The following AGTPBP1 variants were observed in gnomAD, a reference collection of about 807,000 sequenced individuals.
AGTPBP1 encodes the protein cytosolic carboxypeptidase 1.
A neutral mutation model predicts 143.9 loss-of-function variants in AGTPBP1; 70 were observed. That is an observed-to-expected ratio of 0.49 (90% CI 0.40 to 0.59). AGTPBP1 has a LOEUF of 0.59. Among genes scored for constraint, AGTPBP1 ranks in the 20% least tolerant of loss-of-function variants. The probability of loss-of-function intolerance (pLI) is 0.00; values close to 1 mark genes in which losing one functional copy is unlikely to be tolerated. For synonymous variants in AGTPBP1, 463 were observed against 500.2 expected (o/e 0.93, Z 0.99); for missense variants, 1,229 against 1,464.5 (o/e 0.84, Z 2.62).
the AGTPBP1 span, among the ~76,000 whole-genome samples, chr9:85,756,548 G>GATAT: frequency 1.3e-5 from 2 of 150,636 alleles, no homozygotes; most frequent in Non-Finnish European, 2.9e-5. Flanking sequence ...TAGATGGATA[G>GATAT]ATAGATAGAT....
At chr9:85,788,741 T>C in the AGTPBP1 span, among the ~76,000 whole-genome samples, 1 of 150,048 alleles carries the variant, frequency 6.7e-6, no homozygotes, top group East Asian at 1.9e-4. Flanking sequence ...TTTAATATGA[T>C]TTTATATCAT....
chr9:85,795,133 C>T, the AGTPBP1 span, among the ~76,000 whole-genome samples: 1 of 152,026 alleles, frequency 6.6e-6, no homozygotes, highest in Non-Finnish European at 1.5e-5. Flanking sequence ...TTAAGACTGT[C>T]TCTTTAGGAA....
At chr9:85,682,395 A>G (rs1246698987) in intron 3 of AGTPBP1, among the ~76,000 whole-genome samples, 2 of 147,126 alleles carry the variant, frequency 1.4e-5, no homozygotes, top group Non-Finnish European at 3.1e-5. Flanking sequence ...TCATGGATCT[A>G]AAGATTTAAG....
Position 85,619,110 on chromosome 9 carries a change from C to G in AGTPBP1, c.2208G>C (p.Leu736=). 4.3e-6 allele frequency: 7 copies of G among 1,613,164 alleles called. No homozygotes were observed. Among genetic ancestry groups the G allele is most frequent in the Non-Finnish European group, 5.9e-6 (7 of 1,179,558 alleles). ...AATGATTGCTGTTTATGTCTGAGTT[C>G]AGAATAAGATCATATTCATTTCTGA... The part of the protein sequence containing the change: ...QIRKNEYDLI[L]NSDINSNHYH... The change falls in exon 17 of 26, where the codon CTG becomes CTC. Residue 736 remains leucine, a synonymous_variant. Transcript: ENST00000357081.
chr9:85,556,248 T>C (rs1826334394), intron 25 of AGTPBP1, among the ~76,000 whole-genome samples: 1 of 152,134 alleles, frequency 6.6e-6, no homozygotes, highest in African/African-American at 2.4e-5. Context: ...GATCCTAGCA[T>C]TGTCTGTGAA....
chr9:85,649,404 G>C (rs1409999950), intron 11 of AGTPBP1, among the ~76,000 whole-genome samples: 1 of 152,068 alleles, frequency 6.6e-6, no homozygotes, highest in African/African-American at 2.4e-5. Context: ...GTAGAGGAAG[G>C]CTATTTAATT....
chr9:85,737,879 C>T (rs543278435), intron 1 of AGTPBP1, among the ~76,000 whole-genome samples: 44 of 152,280 alleles, frequency 2.9e-4, no homozygotes, highest in Middle Eastern at 6.8e-3. Flanking sequence ...GCCTCCCCAC[C>T]CTGTTTAGCC....
chr9:85,600,695 T>C (rs974594066), intron 17 of AGTPBP1, among the ~76,000 whole-genome samples: 3 of 152,112 alleles, frequency 2.0e-5, no homozygotes, highest in Admixed American at 2.0e-4. Context: ...CACAGGGAGC[T>C]GCTTCGAGAC....
At chr9:85,577,951 C>A (rs1296126883) in intron 24 of AGTPBP1, among the ~76,000 whole-genome samples, 7 of 152,082 alleles carry the variant, frequency 4.6e-5, no homozygotes, top group Non-Finnish European at 8.8e-5. Flanking sequence ...AAAGTTATTA[C>A]CATCTTTATG....
the AGTPBP1 span, among the ~76,000 whole-genome samples, chr9:85,788,577 A>G: frequency 6.7e-6 from 1 of 149,928 alleles, no homozygotes; most frequent in African/African-American, 2.4e-5. Flanking sequence ...ATATTTATTT[A>G]AATATATTAT....
chr9:85,625,644 G>A (rs1197145507), intron 14 of AGTPBP1, among the ~76,000 whole-genome samples: 1 of 151,620 alleles, frequency 6.6e-6, no homozygotes, highest in Non-Finnish European at 1.5e-5. Context: ...CCAGCACTTT[G>A]GGAGGCTGAG....
chr9:85,697,453 T>TG (rs1416626533), intron 2 of AGTPBP1, among the ~76,000 whole-genome samples: 4 of 132,402 alleles, frequency 3.0e-5, no homozygotes, highest in African/African-American at 5.8e-5. Flanking sequence ...TTGTTTTTTT[T>TG]TTTTTTTTTT....
At chr9:85,776,078 C>T in the AGTPBP1 span, among the ~76,000 whole-genome samples, 1 of 152,144 alleles carries the variant, frequency 6.6e-6, no homozygotes, top group African/African-American at 2.4e-5. Flanking sequence ...ATAATTACAC[C>T]TAACATAATA....
chr9:85,551,822 T>G (rs1457753837), intron 25 of AGTPBP1, among the ~76,000 whole-genome samples: 1 of 152,254 alleles, frequency 6.6e-6, no homozygotes, highest in African/African-American at 2.4e-5. Context: ...CAAGGTCACT[T>G]GCCCTATGTT....
intron 1 of AGTPBP1, among the ~76,000 whole-genome samples, chr9:85,715,137 C>A (rs1465832313): frequency 2.0e-5 from 3 of 151,912 alleles, no homozygotes; most frequent in Non-Finnish European, 2.9e-5. Context: ...ATCCCAGCTA[C>A]TCAGGAGGCT....
intron 13 of AGTPBP1, among the ~76,000 whole-genome samples, chr9:85,637,809 A>AT (rs748541575): frequency 6.6e-6 from 1 of 152,218 alleles, no homozygotes; most frequent in East Asian, 1.9e-4. Context: ...AATAAAGTTG[A>AT]TTTTTTAAAA....
At chr9:85,608,072 C>A (rs1159457020) in intron 17 of AGTPBP1, among the ~76,000 whole-genome samples, 1 of 151,972 alleles carries the variant, frequency 6.6e-6, no homozygotes, top group African/African-American at 2.4e-5. Flanking sequence ...ATGACCCAGG[C>A]CTTCAGCATT....
chr9:85,647,129 T>C (rs11141051), intron 11 of AGTPBP1, among the ~76,000 whole-genome samples: 55 of 152,040 alleles, frequency 3.6e-4, no homozygotes, highest in African/African-American at 1.3e-3. Context: ...AATACAAAAT[T>C]AGCTGGGCAT....
Position 85,677,378 on chromosome 9 carries a change from G to C in AGTPBP1, c.436+58C>G, listed in dbSNP as rs1200262744. The stretch of plus-strand genomic sequence containing the variant: ...AAAACTGAGTAGTTACAAGGTGAGA[G>C]AATCACTGTTACAAAAATAGTTCTA... On this transcript the variant is annotated intron_variant, in intron 6 of 25. Transcript: ENST00000357081. 44 of 1,484,726 alleles carry C rather than the reference G, an allele frequency of 3.0e-5. No individual in the cohort carries two copies. In the South Asian group the frequency reaches 5.3e-4, roughly 18 times the overall value. 92.0% of individuals were successfully genotyped at this position (1,484,726 alleles called of 1,614,324 possible). A position where few individuals can be genotyped will look rare whatever the true frequency, so the allele number is the denominator to read the frequency against.
Sources: gnomAD v4.1 joint callset for allele counts (sites outside exome capture counted in the v4.1 genomes callset) on GRCh38, gnomAD v4.1.1 for gene constraint, MANE v1.5 for transcripts, NCBI Gene and HGNC (gene_info 2026-07-23, HGNC 2026-07-21) for gene names.